Variants in GPHN observed in about 807,000 individuals in gnomAD.
The protein encoded by GPHN is gephyrin.
GPHN carries 17 observed loss-of-function variants against 95.5 expected under a neutral mutation model. That is an observed-to-expected ratio of 0.18 (90% CI 0.12 to 0.27). GPHN has a LOEUF of 0.27. GPHN is among the 10% of genes least tolerant of loss of function. The pLI is 1.00. For missense variants in GPHN, 660 were observed against 978.1 expected (o/e 0.67, Z 4.34); for synonymous variants, 320 against 322.5 (o/e 0.99, Z 0.08).
intron 9 of GPHN, among the ~76,000 whole-genome samples, chr14:67,016,170 C>T (rs1045634245): frequency 9.9e-5 from 15 of 152,070 alleles, no homozygotes; most frequent in African/African-American, 3.6e-4. Context: ...GGCTCAGAGA[C>T]TTTTAACCTT....
chr14:67,141,398 G>T (rs778385601), intron 17 of GPHN, among the ~76,000 whole-genome samples: 17 of 152,136 alleles, frequency 1.1e-4, no homozygotes, highest in Non-Finnish European at 1.9e-4. Flanking sequence ...GCATGCTATA[G>T]TCGAACTTTG....
chr14:67,070,335 A>G (rs2076236880), intron 11 of GPHN, among the ~76,000 whole-genome samples: 1 of 148,380 alleles, frequency 6.7e-6, no homozygotes, highest in Non-Finnish European at 1.5e-5. Context: ...ATTTTTATAT[A>G]TATATATATA....
At chr14:66,838,833 C>T (rs892371064) in intron 4 of GPHN, among the ~76,000 whole-genome samples, 1 of 151,960 alleles carries the variant, frequency 6.6e-6, no homozygotes, top group Non-Finnish European at 1.5e-5. Flanking sequence ...CAAATGAGTA[C>T]TTTATATCTG....
chr14:66,578,654 GAA>G (rs574302625), intron 1 of GPHN, among the ~76,000 whole-genome samples: 4 of 59,696 alleles, frequency 6.7e-5, no homozygotes, highest in Non-Finnish European at 1.3e-4. Flanking sequence ...GGGATAGAGT[GAA>G]AAAAAAAAAA....
chr14:67,645,533 G>A, the GPHN span: 2 of 1,238,700 alleles, frequency 1.6e-6, no homozygotes, highest in East Asian at 2.4e-5. Flanking sequence ...CTCCATCTAG[G>A]CCCTGGCTTT....
At chr14:66,701,428 A>G (rs1248160208) in intron 2 of GPHN, among the ~76,000 whole-genome samples, 1 of 152,206 alleles carries the variant, frequency 6.6e-6, no homozygotes, top group South Asian at 2.1e-4. Flanking sequence ...AAAAAGAACC[A>G]TAATAAGTGT....
intron 17 of GPHN, among the ~76,000 whole-genome samples, chr14:67,141,259 A>T (rs1410218136): frequency 6.6e-6 from 1 of 152,222 alleles, no homozygotes; most frequent in Non-Finnish European, 1.5e-5. Context: ...AAATGAAGCT[A>T]TTCAGGTTGG....
At chr14:67,567,437 C>G in the GPHN span, among the ~76,000 whole-genome samples, 7 of 152,158 alleles carry the variant, frequency 4.6e-5, no homozygotes, top group Non-Finnish European at 1.0e-4. Flanking sequence ...GTTTCATTTC[C>G]TCTGCAAAGT....
chr14:67,725,195 G>A, the GPHN span: 94 of 1,614,024 alleles, frequency 5.8e-5, no homozygotes, highest in Non-Finnish European at 7.1e-5. Context: ...GTGCTGGTGC[G>A]GAAATTGGAC....
At chr14:67,496,404 T>TTTTTTG in the GPHN span, among the ~76,000 whole-genome samples, 1 of 129,006 alleles carries the variant, frequency 7.8e-6, no homozygotes, top group Admixed American at 8.2e-5. Context: ...TTTTTTTTTT[T>TTTTTTG]TTTTTTTTTT....
At chr14:66,795,840 C>A (rs879862221) in intron 3 of GPHN, among the ~76,000 whole-genome samples, 6 of 152,088 alleles carry the variant, frequency 3.9e-5, no homozygotes, top group Non-Finnish European at 8.8e-5. Context: ...ATAAACAATC[C>A]AATTATACTC....
chr14:67,152,970 A>C (rs959533909), intron 18 of GPHN, among the ~76,000 whole-genome samples: 1 of 151,654 alleles, frequency 6.6e-6, no homozygotes, highest in Non-Finnish European at 1.5e-5. Context: ...TGTCAAAAAA[A>C]AAAAAGGTTC....
the GPHN span, chr14:67,302,247 A>T: frequency 1.7e-6 from 2 of 1,178,398 alleles, no homozygotes; most frequent in South Asian, 4.5e-5. Flanking sequence ...GGAAATGGTC[A>T]ACTTTTAAAT....
the GPHN span, among the ~76,000 whole-genome samples, chr14:67,466,865 C>G: frequency 8.6e-5 from 13 of 151,910 alleles, no homozygotes; most frequent in Non-Finnish European, 1.8e-4. Context: ...CATGGTGGCA[C>G]GGGCCTGTAA....
chr14:66,587,352 G>T (rs1399274710), intron 1 of GPHN, among the ~76,000 whole-genome samples: 1 of 152,152 alleles, frequency 6.6e-6, no homozygotes, highest in Non-Finnish European at 1.5e-5. Context: ...AAAAATTGAG[G>T]AGTAGATAAA....
the GPHN span, chr14:67,569,031 C>T: frequency 4.3e-6 from 3 of 690,172 alleles, no homozygotes; most frequent in Non-Finnish European, 5.0e-6. Context: ...TCACTGCCCC[C>T]CACAGGTCTG....
At chr14:67,051,125 C>T (rs2075287393) in intron 10 of GPHN, among the ~76,000 whole-genome samples, 1 of 152,238 alleles carries the variant, frequency 6.6e-6, no homozygotes. Context: ...CAGCTGCCTG[C>T]TGCCAGAGAT....
At chr14:66,540,066 A>G (rs938334862) in intron 1 of GPHN, among the ~76,000 whole-genome samples, 1 of 152,240 alleles carries the variant, frequency 6.6e-6, no homozygotes, top group East Asian at 1.9e-4. Flanking sequence ...TGCATAACAA[A>G]TGACCTCTAT....
intron 1 of GPHN, among the ~76,000 whole-genome samples, chr14:66,536,577 A>G (rs536426456): frequency 6.6e-6 from 1 of 152,120 alleles, no homozygotes; most frequent in East Asian, 1.9e-4. Context: ...TGTAAAAAGA[A>G]TTGGGAAGTC....
Sources: gnomAD v4.1 joint callset for allele counts (sites outside exome capture counted in the v4.1 genomes callset) on GRCh38, gnomAD v4.1.1 for gene constraint, MANE v1.5 for transcripts, NCBI Gene and HGNC (gene_info 2026-07-23, HGNC 2026-07-21) for gene names.